The following USP16 variants were observed in gnomAD, a reference collection of about 807,000 sequenced individuals.
USP16 encodes the protein ubiquitin specific peptidase 16, also known as ubiquitin carboxyl-terminal hydrolase 16.
USP16 carries 77 observed loss-of-function variants against 95.9 expected under a neutral mutation model. The observed-to-expected ratio is 0.80, with a 90% CI of 0.67 to 0.97. USP16 has a LOEUF of 0.97. Ranked by LOEUF, USP16 falls within the 50% of genes least tolerant of loss-of-function variation. The pLI, the probability that USP16 is intolerant of heterozygous loss-of-function variation, is 0.00. For synonymous variants in USP16, 303 were observed against 318.2 expected (o/e 0.95, Z 0.51); for missense variants, 943 against 959.9 (o/e 0.98, Z 0.23).
intron 13 of USP16, among the ~76,000 whole-genome samples, chr21:29,045,904 C>T (rs866125520): frequency 1.3e-5 from 2 of 152,118 alleles, no homozygotes; most frequent in Non-Finnish European, 2.9e-5. Flanking sequence ...CTTCCATGTT[C>T]AAGCTATTTT....
At chr21:29,045,350 G>C (rs1192573042) in intron 13 of USP16, among the ~76,000 whole-genome samples, 1 of 152,130 alleles carries the variant, frequency 6.6e-6, no homozygotes, top group Non-Finnish European at 1.5e-5. Flanking sequence ...TCAGTAACAG[G>C]AATCTTGATG....
intron 1 of USP16, 71 bp downstream of exon 1, chr21:29,024,848 C>T: frequency 8.2e-7 from 1 of 1,222,856 alleles, no homozygotes; most frequent in Non-Finnish European, 1.0e-6. Context: ...CTCCTGTTTT[C>T]CGCCCCAACT....
intron 16 of USP16, chr21:29,053,599 C>A (rs145546478): frequency 0.019 from 9,142 of 489,510 alleles, 113 homozygotes; most frequent in Non-Finnish European, 0.023. Context: ...GCTTTTCTAC[C>A]AGGGGAACAA....
rs2085175395 is a variant in USP16, at chr21:29,037,449, A to G, written c.622A>G (p.Asn208Asp). ...LSNLGNTCFF[N>D]AVMQNLSQTP... is the part of the protein sequence containing the mutation. ...TAATTTGGGAAACACATGTTTCTTC[A>G]ATGCAGTTATGCAGGTACATTGTCA... Residue 208 changes from asparagine to aspartate, a missense_variant, in exon 6 of 18, where the codon AAT becomes GAT. Coordinates refer to ENST00000399976, the MANE Select transcript of USP16 (RefSeq NM_006447.3). 1 of 1,592,352 alleles carries G rather than the reference A, an allele frequency of 6.3e-7. No homozygotes were observed. Among genetic ancestry groups the G allele is most frequent in the Non-Finnish European group, 8.5e-7 (1 of 1,172,988 alleles).
chr21:29,044,035 C>A (rs1316245371), intron 13 of USP16, among the ~76,000 whole-genome samples: 2 of 151,902 alleles, frequency 1.3e-5, no homozygotes, highest in Non-Finnish European at 2.9e-5. Context: ...TAGGTTCAAG[C>A]AATTCTCGTG....
At chr21:29,048,234 C>T (rs945564700) in intron 14 of USP16, among the ~76,000 whole-genome samples, 1 of 151,980 alleles carries the variant, frequency 6.6e-6, no homozygotes, top group Non-Finnish European at 1.5e-5. Context: ...AGGCACCCGC[C>T]ACCACACCTG....
chr21:29,030,835 G>A lies in USP16; in HGVS notation c.240+62G>A, dbSNP rs2085066992. On this transcript the variant is annotated intron_variant, in intron 3 of 17. Transcript: ENST00000399976. ...AAAACTCTTTGAACTTACTTTAGAA[G>A]GTATTACCTGAAAGTACAGTATGGA... The A allele has an allele frequency of 3.3e-6, 5 of 1,524,066 alleles. No individual in the cohort carries two copies. In the African/African-American group the frequency reaches 5.6e-5, roughly 17 times the overall value. 94.4% of individuals were successfully genotyped at this position (1,524,066 alleles called of 1,614,324 possible).
intron 5 of USP16, among the ~76,000 whole-genome samples, chr21:29,037,028 G>C (rs190407505): frequency 6.6e-6 from 1 of 152,248 alleles, no homozygotes; most frequent in African/African-American, 2.4e-5. Context: ...TTATACCAAA[G>C]CACATACTGT....
chr21:29,048,833 T>C lies in USP16; in HGVS notation c.2084T>C (p.Leu695Pro). 6.2e-7 allele frequency: 1 copy of C among 1,613,824 alleles called. No homozygotes were observed. ...LISLAPPVLT[L>P]HLKRFQQAGF... Reference sequence around the variant, plus strand: ...TCTCTTGCTCCTCCTGTTCTTACTCTTCATTTAAAGAGATTTCAGCAGGTA... The same window carrying C: ...TCTCTTGCTCCTCCTGTTCTTACTCCTCATTTAAAGAGATTTCAGCAGGTA... Residue 695 changes from leucine (L) to proline (P), a missense_variant, in exon 15 of 18, where the codon CTT becomes CCT. Leu to Pro is a moderately conservative substitution (Grantham distance 98). Coordinates refer to ENST00000399976, the MANE Select transcript of USP16 (RefSeq NM_006447.3).
Position 29,024,693 on chromosome 21 carries a change from C to T in USP16, c.-126C>T. On this transcript the variant is annotated 5_prime_UTR_variant, in exon 1 of 18. Coordinates refer to ENST00000399976, the MANE Select transcript of USP16 (RefSeq NM_006447.3). ...ACTCTGGCTTCGACTCCGTCGCTCTCAATTCGTCACCAGGAGGAAGACGGA... is the reference window on the plus strand; with the variant it reads ...ACTCTGGCTTCGACTCCGTCGCTCTTAATTCGTCACCAGGAGGAAGACGGA... The T allele has an allele frequency of 7.8e-7, 1 of 1,288,736 alleles. No homozygotes were observed. Among genetic ancestry groups the T allele is most frequent in the Non-Finnish European group, 1.0e-6 (1 of 988,264 alleles). The allele number at this position is 1,288,736 out of a possible 1,614,324, so 79.8% of individuals were successfully genotyped here. A position where few individuals can be genotyped will look rare whatever the true frequency, so the allele number is the denominator to read the frequency against.
Position 29,048,750 on chromosome 21 carries a change from C to T in USP16, c.2012-11C>T. 1 of 1,609,016 alleles carries T rather than the reference C, an allele frequency of 6.2e-7. No individual in the cohort carries two copies. The highest frequency in any genetic ancestry group is 1.1e-5 in the South Asian group (1 of 90,596). On this transcript the variant is annotated splice_polypyrimidine_tract_variant and intron_variant, in intron 14 of 17. Coordinates refer to ENST00000399976, the MANE Select transcript of USP16 (RefSeq NM_006447.3). ...ATTTTCTCCCTGTTAAAAATTTCTT[C>T]TTTTCTTTAGGTGAAAGGAAGCATG...
intron 2 of USP16, among the ~76,000 whole-genome samples, chr21:29,029,337 T>C (rs1014894956): frequency 3.9e-5 from 6 of 152,084 alleles, no homozygotes; most frequent in Admixed American, 3.9e-4. Flanking sequence ...GGCGTGAACC[T>C]GGGAGGCGGA....
chr21:29,039,043 C>A lies in USP16; in HGVS notation c.750C>A (p.Asn250Lys). 6.5e-7 allele frequency: 1 copy of A among 1,549,284 alleles called. No homozygotes were observed. The highest frequency in any genetic ancestry group is 1.2e-5 in the South Asian group (1 of 81,238). ...ATATTCAGGAACCATTAGAAATAAA[C>A]CTTGAGCCTCCAGGCCCTCTTACTT... Reference protein sequence around the residue: ...DLALTEPLEINLEPPGPLTLA... With the variant: ...DLALTEPLEIKLEPPGPLTLA... The change falls in exon 8 of 18, where the codon AAC becomes AAA. Residue 250 changes from asparagine to lysine, a missense_variant. Asn to Lys is a moderately conservative substitution (Grantham distance 94). Transcript: ENST00000399976.
In USP16 at chr21:29,039,370, G is replaced by A. The variant is rs182318763; in HGVS notation, c.864-111G>A. The A allele has an allele frequency of 2.9e-5, 37 of 1,258,656 alleles. No homozygotes were observed. The African/African-American group carries it at 5.1e-4, about 17-fold the overall frequency. The allele number at this position is 1,258,656 out of a possible 1,614,324, so 78.0% of individuals were successfully genotyped here. On this transcript the variant is annotated intron_variant, in intron 8 of 17. Transcript: ENST00000399976. The stretch of plus-strand genomic sequence containing the variant: ...GTGTTAATGGACTAAACGGAAATTT[G>A]TAGAAACCAGAACTCTCTGAGATTT...
intron 9 of USP16, 114 bp downstream of exon 9, chr21:29,039,682 T>G: frequency 2.9e-6 from 3 of 1,033,320 alleles, no homozygotes; most frequent in Non-Finnish European, 4.0e-6. Context: ...CATCATACTT[T>G]AAAATTTTTT....
At chr21:29,045,243 G>A (rs1413259687) in intron 13 of USP16, among the ~76,000 whole-genome samples, 1 of 152,114 alleles carries the variant, frequency 6.6e-6, no homozygotes, top group African/African-American at 2.4e-5. Context: ...CCTGTTTGCT[G>A]CCCTTCATTC....
In USP16 at chr21:29,045,951, G is replaced by A. The variant is rs114224191; in HGVS notation, c.1357-716G>A. Among the ~76,000 whole-genome samples, 1,196 of 152,002 alleles carry A rather than the reference G, an allele frequency of 7.9e-3. 13 individuals carry two copies. Among genetic ancestry groups the A allele is most frequent in the African/African-American group, 0.027 (1,118 of 41,452 alleles). ...CTCCCGAGTAGCTGGGATTACAGGC[G>A]CGCACCACCCATGTGTGCATTACAG... On this transcript the variant is annotated intron_variant, in intron 13 of 17. Transcript: ENST00000399976.
Position 29,047,231 on chromosome 21 carries a change from AC to A in USP16, c.1924del (p.Arg642ValfsTer28). On this transcript the variant is annotated frameshift_variant, in exon 14 of 18. Transcript: ENST00000399976. LOFTEE classifies it high-confidence loss of function. ...CSIQHCLYQF[T>X]RNEKLRDANK... ...AATCCAACATTGTTTATATCAGTTC[AC>A]CCGTAATGAGAAACTTCGAGATGCG... 6.2e-7 allele frequency: 1 copy of A among 1,614,194 alleles called. No individual in the cohort carries two copies.
intron 16 of USP16, chr21:29,052,574 G>T (rs983406852): frequency 6.6e-6 from 1 of 152,210 alleles, no homozygotes; most frequent in Non-Finnish European, 1.5e-5. Context: ...TGTGGGAATT[G>T]TGGGAGCTAC....
Sources: allele counts gnomAD v4.1 joint callset (sites outside exome capture counted in the v4.1 genomes callset), GRCh38; gene constraint gnomAD v4.1.1; transcripts MANE v1.5; gene names NCBI Gene and HGNC (gene_info 2026-07-23, HGNC 2026-07-21).